Variants in ARHGAP42 observed in about 807,000 individuals in gnomAD.
The protein encoded by ARHGAP42 is Rho GTPase activating protein 42.
A neutral mutation model predicts 125.0 loss-of-function variants in ARHGAP42; 63 were observed. The observed-to-expected ratio is 0.50, with a 90% CI of 0.41 to 0.62. The LOEUF (loss-of-function observed/expected upper bound fraction) is 0.62. Among genes scored for constraint, ARHGAP42 ranks in the 20% least tolerant of loss-of-function variants. The pLI is 0.00. For missense variants in ARHGAP42, 766 were observed against 1,024.2 expected (o/e 0.75, Z 3.44); for synonymous variants, 339 against 351.0 (o/e 0.97, Z 0.38).
At chr11:100,779,963 T>C (rs139790431) in intron 2 of ARHGAP42, among the ~76,000 whole-genome samples, 7,535 of 151,666 alleles carry the variant, frequency 0.05, 244 homozygotes, top group East Asian at 0.18. Context: ...GAGTCAGAGG[T>C]TGCAGTGATC....
At chr11:100,742,835 T>C (rs80276828) in intron 1 of ARHGAP42, among the ~76,000 whole-genome samples, 5,679 of 152,306 alleles carry the variant, frequency 0.037, 111 homozygotes, top group African/African-American at 0.071. Context: ...CCTTTGTCTT[T>C]TTCTACTGTT....
chr11:100,700,886 G>A (rs1162049928), intron 1 of ARHGAP42, among the ~76,000 whole-genome samples: 1 of 152,194 alleles, frequency 6.6e-6, no homozygotes, highest in African/African-American at 2.4e-5. Context: ...TTAGAATGGT[G>A]AATCCTTTCC....
chr11:100,807,772 T>G (rs1381756601), intron 3 of ARHGAP42, among the ~76,000 whole-genome samples: 2 of 152,228 alleles, frequency 1.3e-5, no homozygotes, highest in East Asian at 1.9e-4. Flanking sequence ...TATCCTAGTT[T>G]TATACGTTTT....
At chr11:100,752,535 T>C (rs1194407999) in intron 1 of ARHGAP42, among the ~76,000 whole-genome samples, 1 of 152,210 alleles carries the variant, frequency 6.6e-6, no homozygotes, top group Non-Finnish European at 1.5e-5. Flanking sequence ...GCCAGACTAC[T>C]GTGACTACTG....
At chr11:100,797,647 CA>C (rs1863750246) in intron 3 of ARHGAP42, among the ~76,000 whole-genome samples, 1 of 151,462 alleles carries the variant, frequency 6.6e-6, no homozygotes, top group Admixed American at 6.6e-5. Context: ...TGCTCATTGA[CA>C]ATATACCTGG....
chr11:100,929,398 G>T (rs59289461), intron 6 of ARHGAP42, among the ~76,000 whole-genome samples: 1,551 of 152,222 alleles, frequency 0.01, 26 homozygotes, highest in African/African-American at 0.036. Context: ...TATTATAAAC[G>T]TTCATGTACA....
chr11:100,776,323 A>G lies in ARHGAP42; in HGVS notation c.250+5885A>G, dbSNP rs181238988. 4.7e-3 allele frequency among the ~76,000 whole-genome samples: 719 copies of G among 152,302 alleles called. 7 individuals carry two copies. Among genetic ancestry groups the G allele is most frequent in the African/African-American group, 0.016 (671 of 41,578 alleles). On this transcript the variant is annotated intron_variant, in intron 2 of 23. Coordinates refer to ENST00000298815, the MANE Select transcript of ARHGAP42 (RefSeq NM_152432.4). ...ACAGCTTGGTTAGTGATGTTGTGTG[A>G]TGACCTAGACTCTCAGGAAAGTCTT...
chr11:100,930,772 GT>G (rs1464457746), intron 6 of ARHGAP42, among the ~76,000 whole-genome samples: 24 of 152,306 alleles, frequency 1.6e-4, no homozygotes, highest in African/African-American at 5.3e-4. Context: ...GTCCGTAAGA[GT>G]TTTGGTTAGG....
chr11:100,983,270 A>C (rs1293457422), intron 22 of ARHGAP42, among the ~76,000 whole-genome samples: 1 of 152,256 alleles, frequency 6.6e-6, no homozygotes, highest in South Asian at 2.1e-4. Flanking sequence ...AGCCTATTAC[A>C]TATTAGCACA....
chr11:100,900,104 G>A (rs1179082350), intron 4 of ARHGAP42, among the ~76,000 whole-genome samples: 2 of 152,068 alleles, frequency 1.3e-5, no homozygotes, highest in Non-Finnish European at 1.5e-5. Context: ...CAGGCCTGGT[G>A]GTGACAAAAT....
rs950711702 is a variant in ARHGAP42, at chr11:100,965,683, A to G, written c.1457A>G (p.Gln486Arg). Residue 486 changes from glutamine (Q) to arginine (R), a missense_variant, in exon 17 of 24, where the codon CAA becomes CGA. Gln to Arg is a conservative substitution (Grantham distance 43, BLOSUM62 1). This residue lies in a region of ARHGAP42 where 455 missense variants were observed against 636.5 expected (regional missense o/e 0.71). Transcript: ENST00000298815. ...DFIIAVKSDD[Q>R]NYRVEAVHAL... ...TTTTATGTAACAGAATCTGATGATCAAAACTACAGGGTGGAGGCTGTACAT... is the reference window on the plus strand; with the variant it reads ...TTTTATGTAACAGAATCTGATGATCGAAACTACAGGGTGGAGGCTGTACAT... 1 of 1,550,312 alleles carries G rather than the reference A, an allele frequency of 6.5e-7. No homozygotes were observed. Among genetic ancestry groups the G allele is most frequent in the African/African-American group, 1.4e-5 (1 of 73,020 alleles).
intron 17 of ARHGAP42, among the ~76,000 whole-genome samples, chr11:100,969,097 A>G (rs1858172616): frequency 6.6e-6 from 1 of 151,818 alleles, no homozygotes; most frequent in South Asian, 2.1e-4. Flanking sequence ...CCTTTATTTC[A>G]CCTTCCTTTT....
At chr11:100,817,873 C>T (rs540715500) in intron 3 of ARHGAP42, among the ~76,000 whole-genome samples, 1 of 152,258 alleles carries the variant, frequency 6.6e-6, no homozygotes, top group Non-Finnish European at 1.5e-5. Flanking sequence ...CAGGGCATTG[C>T]GTGAAGTGTT....
chr11:100,921,622 G>T lies in ARHGAP42; in HGVS notation c.597+18G>T, dbSNP rs1319477212. The T allele has an allele frequency of 1.4e-6, 2 of 1,436,654 alleles. No individual in the cohort carries two copies. Among genetic ancestry groups the T allele is most frequent in the Admixed American group, 4.3e-5 (2 of 46,602 alleles). The allele number at this position is 1,436,654 out of a possible 1,614,324, so 89.0% of individuals were successfully genotyped here. Reference sequence around the variant, plus strand: ...TTGAACCGGTAAGTTTCAGATTTTTGTATAAATGGTGGGCTCAAAACAATC... The same window carrying T: ...TTGAACCGGTAAGTTTCAGATTTTTTTATAAATGGTGGGCTCAAAACAATC... On this transcript the variant is annotated intron_variant, in intron 6 of 23. Transcript: ENST00000298815.
At chr11:100,936,572 C>T (rs979378096) in intron 8 of ARHGAP42, among the ~76,000 whole-genome samples, 4 of 152,130 alleles carry the variant, frequency 2.6e-5, no homozygotes, top group African/African-American at 9.7e-5. Context: ...AACATGCGTT[C>T]AGTTTTAGCA....
intron 10 of ARHGAP42, among the ~76,000 whole-genome samples, chr11:100,944,270 T>TCTTTCAGCCA (rs1483627800): frequency 1.3e-5 from 2 of 152,092 alleles, no homozygotes; most frequent in Non-Finnish European, 2.9e-5. Flanking sequence ...ACTATAAGCT[T>TCTTTCAGCCA]CTTTCAGCCA....
intron 3 of ARHGAP42, among the ~76,000 whole-genome samples, chr11:100,808,234 A>G (rs766516553): frequency 2.0e-5 from 3 of 152,190 alleles, no homozygotes; most frequent in African/African-American, 4.8e-5. Flanking sequence ...GGTTAGCACA[A>G]TGCTTTTTGT....
chr11:100,877,910 C>T (rs1417408625), intron 4 of ARHGAP42, among the ~76,000 whole-genome samples: 1 of 147,954 alleles, frequency 6.8e-6, no homozygotes, highest in Non-Finnish European at 1.5e-5. Flanking sequence ...GAGGCTGAAG[C>T]AGGAGAATCA....
rs774943869 is a variant in ARHGAP42 at position 100,913,463 on chromosome 11, G to A, written c.396G>A (p.Lys132=). The change falls in exon 5 of 24, where the codon AAG becomes AAA. Residue 132 remains lysine, a synonymous_variant. Transcript: ENST00000298815. The part of the protein sequence containing the change: ...EQIGAAKDGK[K]KFDKESEKYY... ...TTGCTCTCCTTTAGGATGGAAAGAA[G>A]AAGTTTGACAAAGAGAGTGAAAAAT... 1 of 1,283,618 alleles carries A rather than the reference G, an allele frequency of 7.8e-7. No individual in the cohort carries two copies. The highest frequency in any genetic ancestry group is 1.6e-5 in the African/African-American group (1 of 64,384). The allele number at this position is 1,283,618 out of a possible 1,614,324, so 79.5% of individuals were successfully genotyped here.
Sources: allele counts gnomAD v4.1 joint callset (sites outside exome capture counted in the v4.1 genomes callset), GRCh38; gene constraint gnomAD v4.1.1; regional missense constraint gnomAD v4.1.1; transcripts MANE v1.5; gene names NCBI Gene and HGNC (gene_info 2026-07-23, HGNC 2026-07-21).